The following CDC27 variants were observed in gnomAD, a reference collection of about 807,000 sequenced individuals.
CDC27 encodes cell division cycle protein 27 homolog.
In CDC27, 27 loss-of-function variants were observed where a neutral mutation model predicts 109.7. The observed-to-expected ratio is 0.25, with a 90% CI of 0.18 to 0.34. CDC27 has a LOEUF of 0.34. Among genes scored for constraint, CDC27 ranks in the 10% least tolerant of loss-of-function variants. CDC27 has a pLI of 1.00. For missense variants in CDC27, 579 were observed against 960.2 expected (o/e 0.60, Z 5.25); for synonymous variants, 266 against 333.9 (o/e 0.80, Z 2.22).
intron 14 of CDC27, among the ~76,000 whole-genome samples, chr17:47,134,968 T>G (rs2062533030): frequency 6.6e-6 from 1 of 152,014 alleles, no homozygotes; most frequent in Non-Finnish European, 1.5e-5. Context: ...AGTTATTACA[T>G]GTGTGCCAAG....
chr17:47,133,022 TATATATACACAC>T (rs1482849969), intron 14 of CDC27, among the ~76,000 whole-genome samples: 1 of 41,542 alleles, frequency 2.4e-5, no homozygotes, highest in African/African-American at 8.1e-5. Flanking sequence ...TATATATATA[TATATATACACAC>T]ACACACACAC....
chr17:47,147,583 A>T (rs957843841), intron 9 of CDC27, among the ~76,000 whole-genome samples: 1 of 151,334 alleles, frequency 6.6e-6, no homozygotes, highest in Non-Finnish European at 1.5e-5. Flanking sequence ...GTTCAAAAAC[A>T]TAGAAGAGAC....
At chr17:47,134,306 ATT>A (rs35766560) in intron 14 of CDC27, among the ~76,000 whole-genome samples, 4,653 of 144,956 alleles carry the variant, frequency 0.032, 217 homozygotes, top group African/African-American at 0.11. Flanking sequence ...ACCCATATAG[ATT>A]TTTTTTTTTT....
At chr17:47,131,577 T>G (rs951148374) in intron 15 of CDC27, among the ~76,000 whole-genome samples, 1 of 151,960 alleles carries the variant, frequency 6.6e-6, no homozygotes, top group African/African-American at 2.4e-5. Flanking sequence ...AACAAGAACT[T>G]AAGGTACCGT....
chr17:47,172,078 T>A lies in CDC27; in HGVS notation c.104-14A>T, dbSNP rs2063827648. On this transcript the variant is annotated splice_polypyrimidine_tract_variant and intron_variant, in intron 2 of 18. Transcript: ENST00000066544. ...CTTCTGAGTGTACTAAAAACAGACA[T>A]TTTTTAAAAAGGCTATTGTTCAGTA... is the stretch of plus-strand genomic sequence containing the variant. The A allele has an allele frequency of 1.3e-6, 2 of 1,530,014 alleles. No individual in the cohort carries two copies. The highest frequency in any genetic ancestry group is 2.6e-5 in the South Asian group (2 of 75,732). 94.8% of individuals were successfully genotyped at this position (1,530,014 alleles called of 1,614,324 possible).
At chr17:47,176,647 A>C (rs1439917734) in intron 2 of CDC27, among the ~76,000 whole-genome samples, 1 of 152,214 alleles carries the variant, frequency 6.6e-6, no homozygotes, top group East Asian at 1.9e-4. Flanking sequence ...CAACAATTAG[A>C]TACTTCTGAA....
chr17:47,177,199 T>A (rs1201381278), intron 2 of CDC27, among the ~76,000 whole-genome samples: 1 of 152,102 alleles, frequency 6.6e-6, no homozygotes, highest in Non-Finnish European at 1.5e-5. Flanking sequence ...CCTGGGAGGA[T>A]CGCTTGAGCC....
rs201672676 is a variant in CDC27 at position 47,135,407 on chromosome 17, A to AGATGATGAT, written c.1913+1736_1913+1744dup. On this transcript the variant is annotated intron_variant, in intron 14 of 18. Coordinates refer to ENST00000066544, the MANE Select transcript of CDC27 (RefSeq NM_001256.6). Reference sequence around the variant, plus strand: ...ACGGAGACTTCTCATGGCCATAACTAGATGATGATGATGATGATGATGATG... The same window carrying AGATGATGAT: ...ACGGAGACTTCTCATGGCCATAACTAGATGATGATGATGATGATGATGATGATGATGATG... 8.6e-4 allele frequency among the ~76,000 whole-genome samples: 129 copies of AGATGATGAT among 150,656 alleles called. 1 individual carries two copies. The highest frequency in any genetic ancestry group is 3.5e-3 in the Middle Eastern group (1 of 286).
chr17:47,169,757 T>TA, intron 4 of CDC27, 160 bp downstream of exon 4: 1 of 448,416 alleles, frequency 2.2e-6, no homozygotes, highest in Non-Finnish European at 3.7e-6. Flanking sequence ...AGTTCAAACT[T>TA]AGATTAGCAT....
intron 7 of CDC27, among the ~76,000 whole-genome samples, chr17:47,155,387 A>T (rs1377088773): frequency 6.6e-6 from 1 of 152,086 alleles, no homozygotes; most frequent in African/African-American, 2.4e-5. Flanking sequence ...CTGGGATTAC[A>T]CGTATGTGTC....
At chr17:47,174,940 C>A (rs540157797) in intron 2 of CDC27, among the ~76,000 whole-genome samples, 23 of 150,776 alleles carry the variant, frequency 1.5e-4, no homozygotes, top group Non-Finnish European at 2.5e-4. Context: ...TGGGCAACAG[C>A]GAAACTCGGT....
In CDC27 at chr17:47,151,829, T is replaced by A; in HGVS notation, c.1047A>T (p.Thr349=). Residue 349 remains threonine, a synonymous_variant, in exon 9 of 19, where the codon ACA becomes ACT. Coordinates refer to ENST00000066544, the MANE Select transcript of CDC27 (RefSeq NM_001256.6). ...SREVTPILAQ[T]QSSGPQTSTT... ...ACCTTGTTTGTGGACCAGAACTTTGTGTTTGTGCAAGAATTGGAGTTACCT... is the reference window on the plus strand; with the variant it reads ...ACCTTGTTTGTGGACCAGAACTTTGAGTTTGTGCAAGAATTGGAGTTACCT... 6.2e-7 allele frequency: 1 copy of A among 1,603,462 alleles called. No individual in the cohort carries two copies. Among genetic ancestry groups the A allele is most frequent in the Non-Finnish European group, 8.5e-7 (1 of 1,175,352 alleles).
In CDC27 at chr17:47,142,346, G is replaced by T. The variant is rs1264065076; in HGVS notation, c.1261C>A (p.Pro421Thr). ...SKTNKGGITQPNINDSLEITK... is the reference protein window; with the variant it reads ...SKTNKGGITQTNINDSLEITK... ...ATTTCCAGGCTATCATTTATGTTAG[G>T]TTGAGTTATTCCTCCTTTATTAGTT... The change falls in exon 11 of 19, where the codon CCT becomes ACT. Residue 421 changes from proline to threonine, a missense_variant. Physicochemically the swap from Pro to Thr is conservative, Grantham distance 38. Coordinates refer to ENST00000066544, the MANE Select transcript of CDC27 (RefSeq NM_001256.6). 13 of 1,515,196 alleles carry T rather than the reference G, an allele frequency of 8.6e-6. No individual in the cohort carries two copies. Among genetic ancestry groups the T allele is most frequent in the Non-Finnish European group, 1.2e-5 (13 of 1,095,528 alleles). 93.9% of individuals were successfully genotyped at this position (1,515,196 alleles called of 1,614,324 possible). A position where few individuals can be genotyped will look rare whatever the true frequency, so the allele number is the denominator to read the frequency against.
At chr17:47,160,989 C>T (rs376692733) in intron 4 of CDC27, 28 of 152,012 alleles carry the variant, frequency 1.8e-4, no homozygotes, top group African/African-American at 6.5e-4. Context: ...AAGTAGGATG[C>T]AGACTTTTGG....
intron 1 of CDC27, 91 bp from the exon 2 acceptor site, chr17:47,181,728 TA>T: frequency 4.9e-6 from 3 of 611,512 alleles, no homozygotes; most frequent in Non-Finnish European, 8.6e-6. Context: ...ATACTGAAAT[TA>T]ATATCCCTAA....
At chr17:47,180,247 T>A (rs2064170538) in intron 2 of CDC27, among the ~76,000 whole-genome samples, 1 of 152,224 alleles carries the variant, frequency 6.6e-6, no homozygotes, top group Admixed American at 6.5e-5. Flanking sequence ...AGTAGATTAA[T>A]CTATTGTATA....
Position 47,156,998 on chromosome 17 carries a change from T to A in CDC27, c.757A>T (p.Ile253Leu), listed in dbSNP as rs766206603. The A allele has an allele frequency of 3.2e-6, 5 of 1,569,586 alleles. No individual in the cohort carries two copies. Among genetic ancestry groups the A allele is most frequent in the Non-Finnish European group, 2.6e-6 (3 of 1,144,232 alleles). Residue 253 changes from isoleucine (I) to leucine (L), a missense_variant, in exon 7 of 19, where the codon ATA (isoleucine) becomes TTA (leucine). Around this residue, in one of 9 missense-constraint regions of CDC27, gnomAD observed 74 missense variants for 148.9 expected, o/e 0.50. Coordinates refer to ENST00000066544, the MANE Select transcript of CDC27 (RefSeq NM_001256.6). ...TTATTTTGAACCTGTTTAGATAATA[T>A]GGAAGTTCCTGTTCCCAGTGGGACA... ...DTVPLGTGTS[I>L]LSKQVQNKPK...
chr17:47,176,534 C>T (rs1019514699), intron 2 of CDC27, among the ~76,000 whole-genome samples: 2 of 152,054 alleles, frequency 1.3e-5, no homozygotes, highest in Non-Finnish European at 1.5e-5. Flanking sequence ...TTAAAAGGCT[C>T]CTTAGTGTTT....
intron 7 of CDC27, among the ~76,000 whole-genome samples, chr17:47,156,228 T>C (rs2063300317): frequency 6.6e-6 from 1 of 152,078 alleles, no homozygotes; most frequent in Non-Finnish European, 1.5e-5. Context: ...AACCTCTGTC[T>C]CCCGGGTTCA....
Sources: gnomAD v4.1 joint callset for allele counts (sites outside exome capture counted in the v4.1 genomes callset) on GRCh38, gnomAD v4.1.1 for gene constraint, gnomAD v4.1.1 regional missense constraint, MANE v1.5 for transcripts, NCBI Gene and HGNC (gene_info 2026-07-23, HGNC 2026-07-21) for gene names.